Variants in THSD7B observed in about 807,000 individuals in gnomAD.
THSD7B encodes the protein thrombospondin type 1 domain containing 7B.
A neutral mutation model predicts 213.6 loss-of-function variants in THSD7B; 138 were observed. That is an observed-to-expected ratio of 0.65 (90% confidence interval 0.56 to 0.74). The LOEUF is 0.74. Ranked by LOEUF, THSD7B falls within the 30% of genes least tolerant of loss-of-function variation. The pLI, the probability that THSD7B is intolerant of heterozygous loss-of-function variation, is 0.00. For missense variants in THSD7B, 1,931 were observed against 1,991.5 expected, an observed-to-expected ratio of 0.97 and a Z score of 0.58; for synonymous variants, 742 against 687.0, an observed-to-expected ratio of 1.08 and a Z score of -1.25.
At chr2:137,192,634 G>C (rs573307358) in intron 7 of THSD7B, among the ~76,000 whole-genome samples, 5 of 151,920 alleles carry the variant, frequency 3.3e-5, no homozygotes, top group African/African-American at 1.2e-4. Flanking sequence ...GGAATAGCAG[G>C]GCTTTTTTAA....
chr2:137,575,679 G>C lies in THSD7B; in HGVS notation c.3423+3123G>C, dbSNP rs899596121. ...ATTTGAAGAAAATGAAAAACTATTT[G>C]TTTCCTTTGTTTTATGTTCATGTTT... On this transcript the variant is annotated intron_variant, in intron 17 of 27. Coordinates refer to ENST00000409968, the MANE Select transcript of THSD7B (RefSeq NM_001316349.2). 7.5e-5 allele frequency among the ~76,000 whole-genome samples: 11 copies of C among 146,150 alleles called. No homozygotes were observed. In the East Asian group the frequency reaches 8.0e-4, roughly 11 times the overall value.
In THSD7B at chr2:137,332,893, T is replaced by G. The variant is rs988114899; in HGVS notation, c.2500+56867T>G. ...CCTACTATGCTGAACTGTGAGTCAA[T>G]TAAACCTATTTCCTTTATAAATTAC... On this transcript the variant is annotated intron_variant, in intron 12 of 27. Transcript: ENST00000409968. Among the ~76,000 whole-genome samples the G allele has an allele frequency of 1.3e-5, 2 of 152,320 alleles. 1 individual carries two copies. The highest frequency in any genetic ancestry group is 4.2e-4 in the South Asian group (2 of 4,816).
At chr2:136,852,974 T>C (rs1228321755) in intron 1 of THSD7B, among the ~76,000 whole-genome samples, 2 of 152,140 alleles carry the variant, frequency 1.3e-5, no homozygotes, top group Non-Finnish European at 2.9e-5. Flanking sequence ...ATCACTCAGT[T>C]TCCCTAATTG....
chr2:137,078,317 T>G (rs1687673371), intron 3 of THSD7B, among the ~76,000 whole-genome samples: 1 of 152,196 alleles, frequency 6.6e-6, no homozygotes, highest in Non-Finnish European at 1.5e-5. Flanking sequence ...GGACTCTTTT[T>G]TGTTAAGTTT....
Position 137,283,388 on chromosome 2 carries a change from A to G in THSD7B, c.2500+7362A>G, listed in dbSNP as rs558509020. 7.9e-5 allele frequency among the ~76,000 whole-genome samples: 12 copies of G among 152,114 alleles called. No individual in the cohort carries two copies. In the East Asian group the frequency reaches 2.1e-3, roughly 27 times the overall value. On this transcript the variant is annotated intron_variant, in intron 12 of 27. Coordinates refer to ENST00000409968, the MANE Select transcript of THSD7B (RefSeq NM_001316349.2). ...CTCTTTTCCTAATTGAATGCCCTTTATTTCCTTCTCCTGCCTGATTGCCCT... is the reference window on the plus strand; with the variant it reads ...CTCTTTTCCTAATTGAATGCCCTTTGTTTCCTTCTCCTGCCTGATTGCCCT...
At chr2:136,906,054 G>GCC (rs1457675616) in intron 2 of THSD7B, among the ~76,000 whole-genome samples, 1 of 152,150 alleles carries the variant, frequency 6.6e-6, no homozygotes, top group Non-Finnish European at 1.5e-5. Flanking sequence ...ATTGAACCTG[G>GCC]CCTTCTCTGC....
Position 137,000,663 on chromosome 2 carries a change from G to T in THSD7B, c.140-55757G>T, listed in dbSNP as rs563378604. On this transcript the variant is annotated intron_variant, in intron 2 of 27. Transcript: ENST00000409968. ...GTTTATATTGTTCTTTTGGGAATCC[G>T]ATTGCATTAAGGAATGATTAGTCTT... Among the ~76,000 whole-genome samples, 4 of 152,110 alleles carry T rather than the reference G, an allele frequency of 2.6e-5. No homozygotes were observed. In the East Asian group the frequency reaches 7.7e-4, roughly 29 times the overall value.
At chr2:137,076,492 C>T (rs1357300138) in intron 3 of THSD7B, among the ~76,000 whole-genome samples, 1 of 152,322 alleles carries the variant, frequency 6.6e-6, no homozygotes, top group East Asian at 1.9e-4. Flanking sequence ...ATCTGTCACC[C>T]CTTTCTTTGA....
intron 12 of THSD7B, among the ~76,000 whole-genome samples, chr2:137,279,453 G>A (rs1423418726): frequency 2.0e-5 from 3 of 152,062 alleles, no homozygotes; most frequent in Non-Finnish European, 4.4e-5. Flanking sequence ...TGAGGTGGGA[G>A]GATTGTTTGA....
rs764062016 is a variant in THSD7B, at chr2:137,618,495, C to T, written c.3669C>T (p.Asp1223=). 1.2e-6 allele frequency: 2 copies of T among 1,613,736 alleles called. No homozygotes were observed. The highest frequency in any genetic ancestry group is 2.2e-5 in the East Asian group (1 of 44,880). ...VCSDGKPVSM[D]QCEQHNLEKP... ...GTGATGGCAAGCCAGTCAGCATGGA[C>T]CAATGTGAGCAGGTACTGTGTTTAT... The change falls in exon 19 of 28, where the codon GAC becomes GAT. Residue 1223 remains aspartate, a synonymous_variant. Coordinates refer to ENST00000409968, the MANE Select transcript of THSD7B (RefSeq NM_001316349.2).
intron 15 of THSD7B, among the ~76,000 whole-genome samples, chr2:137,547,370 A>G (rs1321488534): frequency 6.6e-6 from 1 of 152,052 alleles, no homozygotes; most frequent in East Asian, 1.9e-4. Flanking sequence ...TTTAACTCGT[A>G]ATATAGCACA....
At chr2:137,235,271 T>G (rs1235892003) in intron 9 of THSD7B, among the ~76,000 whole-genome samples, 1 of 152,132 alleles carries the variant, frequency 6.6e-6, no homozygotes, top group African/African-American at 2.4e-5. Context: ...TAAAAATAAG[T>G]ATGGATTAGA....
intron 25 of THSD7B, among the ~76,000 whole-genome samples, chr2:137,661,678 GAAGTA>G (rs1380725975): frequency 6.6e-6 from 1 of 152,140 alleles, no homozygotes; most frequent in Non-Finnish European, 1.5e-5. Context: ...GGAAAGAAAG[GAAGTA>G]AAGTACACTT....
At chr2:137,629,354 A>G (rs1682695903) in intron 20 of THSD7B, among the ~76,000 whole-genome samples, 1 of 152,198 alleles carries the variant, frequency 6.6e-6, no homozygotes, top group African/African-American at 2.4e-5. Context: ...CTGAAACATG[A>G]CAGATCTCCG....
At chr2:137,004,717 C>T (rs1686070392) in intron 2 of THSD7B, among the ~76,000 whole-genome samples, 1 of 152,158 alleles carries the variant, frequency 6.6e-6, no homozygotes, top group Admixed American at 6.5e-5. Flanking sequence ...AGCTATTGGA[C>T]ATTTTATTGG....
intron 3 of THSD7B, among the ~76,000 whole-genome samples, chr2:137,074,786 G>A (rs1467422299): frequency 6.6e-6 from 1 of 152,126 alleles, no homozygotes; most frequent in African/African-American, 2.4e-5. Context: ...GCCTGGTGGT[G>A]ACAAAATCTC....
chr2:137,667,998 G>C, intron 27 of THSD7B, 137 bp downstream of exon 27: 1 of 559,198 alleles, frequency 1.8e-6, no homozygotes, highest in East Asian at 3.2e-5. Context: ...ATGGCTGAAT[G>C]GTTGAAATGA....
intron 2 of THSD7B, among the ~76,000 whole-genome samples, chr2:137,008,326 G>A (rs1311729686): frequency 6.6e-6 from 1 of 152,062 alleles, no homozygotes; most frequent in Non-Finnish European, 1.5e-5. Flanking sequence ...ATTGATTTAA[G>A]AAGGCCCTTT....
chr2:137,617,683 A>C (rs1382996959), intron 18 of THSD7B, among the ~76,000 whole-genome samples: 1 of 152,182 alleles, frequency 6.6e-6, no homozygotes, highest in Admixed American at 6.5e-5. Flanking sequence ...TGCTATAACA[A>C]ATTGCTATAG....
Sources: allele counts gnomAD v4.1 joint callset (sites outside exome capture counted in the v4.1 genomes callset), GRCh38; gene constraint gnomAD v4.1.1; transcripts MANE v1.5; gene names NCBI Gene and HGNC (gene_info 2026-07-23, HGNC 2026-07-21).